PHF24: variants seen among roughly 807,000 people sequenced by gnomAD.
The protein encoded by PHF24 is Galpha inhibitory interacting protein.
In PHF24, 25 loss-of-function variants were observed where a neutral mutation model predicts 42.6. The ratio of observed to expected loss-of-function variants is 0.59; its 90% CI spans 0.43 to 0.82. The LOEUF is 0.82. Among genes scored for constraint, PHF24 ranks in the 40% least tolerant of loss-of-function variants. PHF24 has a pLI of 0.00. For synonymous variants in PHF24, 185 were observed against 204.8 expected, an observed-to-expected ratio of 0.90 and a Z score of 0.83; for missense variants, 470 against 538.1, an observed-to-expected ratio of 0.87 and a Z score of 1.25.
chr9:34,878,522 T>C, the PHF24 span, among the ~76,000 whole-genome samples: 1 of 152,174 alleles, frequency 6.6e-6, no homozygotes, highest in African/African-American at 2.4e-5. Context: ...ACCCTAATAC[T>C]GTGCTTTTCC....
chr9:34,959,052 G>T (rs1826497058), intron 1 of PHF24, among the ~76,000 whole-genome samples: 1 of 152,194 alleles, frequency 6.6e-6, no homozygotes, highest in African/African-American at 2.4e-5. Context: ...TCCCCATTCG[G>T]ATTTTTCTTC....
chr9:34,691,130 G>T, the PHF24 span: 2 of 1,613,440 alleles, frequency 1.2e-6, no homozygotes, highest in Non-Finnish European at 1.7e-6. Context: ...AGGGCCAGTA[G>T]CAGGGCCATG....
At chr9:34,927,454 G>A in the PHF24 span, among the ~76,000 whole-genome samples, 2 of 152,120 alleles carry the variant, frequency 1.3e-5, no homozygotes, top group African/African-American at 2.4e-5. Flanking sequence ...GGGGAATGGG[G>A]AGTGCACACC....
At chr9:34,951,329 T>C in the PHF24 span, among the ~76,000 whole-genome samples, 1 of 152,220 alleles carries the variant, frequency 6.6e-6, no homozygotes, top group Non-Finnish European at 1.5e-5. Context: ...ACAAGGGCAC[T>C]ATATGGCAAA....
chr9:34,962,854 A>G (rs184095085), intron 1 of PHF24, among the ~76,000 whole-genome samples: 1 of 152,328 alleles, frequency 6.6e-6, no homozygotes, highest in East Asian at 1.9e-4. Flanking sequence ...TTTTGCTCTC[A>G]TCTATATTAG....
At chr9:34,933,936 G>C in the PHF24 span, among the ~76,000 whole-genome samples, 1 of 151,628 alleles carries the variant, frequency 6.6e-6, no homozygotes, top group Non-Finnish European at 1.5e-5. Context: ...GTAGAGACAG[G>C]GTTTTACTAT....
At chr9:34,844,275 A>G in the PHF24 span, among the ~76,000 whole-genome samples, 2 of 151,318 alleles carry the variant, frequency 1.3e-5, no homozygotes, top group African/African-American at 4.9e-5. Context: ...TTGTTTTTCT[A>G]GTGTCTATTT....
At chr9:34,689,393 A>G in the PHF24 span, among the ~76,000 whole-genome samples, 3 of 152,020 alleles carry the variant, frequency 2.0e-5, no homozygotes, top group Non-Finnish European at 4.4e-5. The surrounding 1 kb of genome is among the most constrained non-coding windows in gnomAD (Gnocchi z 4.1). Context: ...AGGCCACAGA[A>G]GAGAAAATAG....
chr9:34,924,902 A>C, the PHF24 span, among the ~76,000 whole-genome samples: 1 of 152,072 alleles, frequency 6.6e-6, no homozygotes, highest in Non-Finnish European at 1.5e-5. Flanking sequence ...CTGTAGTGCT[A>C]AGCTTTGATT....
intron 1 of PHF24, among the ~76,000 whole-genome samples, chr9:34,967,004 G>A (rs186579405): frequency 1.1e-3 from 174 of 152,124 alleles, no homozygotes; most frequent in Non-Finnish European, 2.0e-3. Flanking sequence ...AGCTGCCCAC[G>A]TAGCTGGGAT....
At chr9:34,709,672 G>A in the PHF24 span, 15 of 1,613,854 alleles carry the variant, frequency 9.3e-6, no homozygotes, top group Admixed American at 3.3e-5. Flanking sequence ...GAGCGCTTGC[G>A]GGGCAAGAAC....
chr9:34,979,626 G>A (rs13301981), exon 8 of PHF24: 54,463 of 152,158 alleles, frequency 0.36, 12,575 homozygotes, highest in Non-Finnish European at 0.5. Context: ...TTCATTGCTC[G>A]AGGCCCTTGT....
At chr9:34,792,409 G>A in the PHF24 span, among the ~76,000 whole-genome samples, 8 of 152,168 alleles carry the variant, frequency 5.3e-5, no homozygotes, top group African/African-American at 7.2e-5. Flanking sequence ...AGTGGCTCAC[G>A]CCTGTAATCC....
chr9:34,738,108 C>T, the PHF24 span, among the ~76,000 whole-genome samples: 2 of 152,072 alleles, frequency 1.3e-5, no homozygotes, highest in Non-Finnish European at 2.9e-5. Context: ...TCTTCTCAAC[C>T]CAGGCATCAG....
chr9:34,972,264 CA>C, intron 2 of PHF24, 81 bp from the exon 3 acceptor site: 1 of 1,240,654 alleles, frequency 8.1e-7, no homozygotes, highest in Non-Finnish European at 1.1e-6. Context: ...CAGCCCCATG[CA>C]GGTAGCTCTG....
At chr9:34,773,702 C>T in the PHF24 span, among the ~76,000 whole-genome samples, 2 of 152,150 alleles carry the variant, frequency 1.3e-5, no homozygotes, top group African/African-American at 4.8e-5. Context: ...TAGTCTTTCT[C>T]CCCAGAACCC....
chr9:34,861,374 G>A, the PHF24 span, among the ~76,000 whole-genome samples: 1 of 152,206 alleles, frequency 6.6e-6, no homozygotes, highest in African/African-American at 2.4e-5. Flanking sequence ...CTTTACAAAG[G>A]TTAGAAAATC....
At chr9:34,734,930 G>C in the PHF24 span, among the ~76,000 whole-genome samples, 2 of 152,130 alleles carry the variant, frequency 1.3e-5, no homozygotes, top group Non-Finnish European at 2.9e-5. Context: ...TAAACACAAA[G>C]TAATATTAGA....
the PHF24 span, among the ~76,000 whole-genome samples, chr9:34,841,062 C>T: frequency 3.3e-5 from 5 of 151,988 alleles, no homozygotes; most frequent in Non-Finnish European, 5.9e-5. Flanking sequence ...TGCAGTGGCG[C>T]GATCTCGGCT....
Sources: allele counts gnomAD v4.1 joint callset (sites outside exome capture counted in the v4.1 genomes callset), GRCh38; gene constraint gnomAD v4.1.1; non-coding constraint Gnocchi (gnomAD v3.1); transcripts MANE v1.5; gene names NCBI Gene and HGNC (gene_info 2026-07-23, HGNC 2026-07-21).